The following MAL variants were observed in gnomAD, a reference collection of about 807,000 sequenced individuals.
MAL encodes the protein mal, T cell differentiation protein (MAL blood group).
A neutral mutation model predicts 16.7 loss-of-function variants in MAL; 5 were observed. That is an observed-to-expected ratio of 0.30 (90% CI 0.16 to 0.63). MAL has a LOEUF of 0.63. MAL is among the 30% of genes least tolerant of loss of function. The pLI, the probability that MAL is intolerant of heterozygous loss-of-function variation, is 0.82. For missense variants in MAL, 202 were observed against 195.8 expected, an observed-to-expected ratio of 1.03 and a Z score of -0.19; for synonymous variants, 96 against 85.5, an observed-to-expected ratio of 1.12 and a Z score of -0.67.
At chr2:95,047,742 A>G (rs930902962) in intron 1 of MAL, among the ~76,000 whole-genome samples, 3 of 152,190 alleles carry the variant, frequency 2.0e-5, no homozygotes, top group African/African-American at 7.2e-5. Flanking sequence ...TAAAAAGTTA[A>G]TCAGGGCAAG....
intron 1 of MAL, among the ~76,000 whole-genome samples, chr2:95,035,404 A>G (rs1048407669): frequency 1.4e-4 from 21 of 152,176 alleles, no homozygotes; most frequent in African/African-American, 4.8e-4. Context: ...TTTTCCATTC[A>G]AATGAAGACA....
chr2:95,034,760 G>A (rs992483074), intron 1 of MAL, among the ~76,000 whole-genome samples: 1 of 152,190 alleles, frequency 6.6e-6, no homozygotes, highest in Non-Finnish European at 1.5e-5. Flanking sequence ...TCTGTGGTCA[G>A]GTTGGGGGCA....
At chr2:95,045,990 A>G (rs1476380155) in intron 1 of MAL, among the ~76,000 whole-genome samples, 1 of 152,198 alleles carries the variant, frequency 6.6e-6, no homozygotes, top group African/African-American at 2.4e-5. Flanking sequence ...GCAACCTAAG[A>G]TCCATCAGCA....
At chr2:95,039,828 G>C (rs1350629975) in intron 1 of MAL, among the ~76,000 whole-genome samples, 1 of 152,110 alleles carries the variant, frequency 6.6e-6, no homozygotes, top group African/African-American at 2.4e-5. Context: ...CAGGAGGTAG[G>C]TAGGGCTAAC....
intron 2 of MAL, among the ~76,000 whole-genome samples, 190 bp downstream of exon 2, chr2:95,048,316 C>T (rs1254190829): frequency 3.9e-5 from 6 of 152,266 alleles, no homozygotes; most frequent in South Asian, 2.1e-4. Context: ...GAGGCAAGGT[C>T]GCCGCTGCCA....
At chr2:95,036,204 G>A (rs1329549459) in intron 1 of MAL, among the ~76,000 whole-genome samples, 1 of 152,168 alleles carries the variant, frequency 6.6e-6, no homozygotes, top group African/African-American at 2.4e-5. Flanking sequence ...CGCTCCCAGG[G>A]TTCTCTTTGG....
intron 1 of MAL, among the ~76,000 whole-genome samples, chr2:95,046,756 T>C (rs1476274344): frequency 1.3e-5 from 2 of 151,846 alleles, no homozygotes; most frequent in Non-Finnish European, 2.9e-5. Flanking sequence ...ACTCCAAATC[T>C]GATCATCAGA....
chr2:95,037,205 G>C (rs1024997121), intron 1 of MAL, among the ~76,000 whole-genome samples: 9 of 151,242 alleles, frequency 6.0e-5, no homozygotes, highest in African/African-American at 1.7e-4. Flanking sequence ...GAGTAGGTGA[G>C]TGACTGAGTG....
intron 1 of MAL, among the ~76,000 whole-genome samples, chr2:95,042,184 G>T (rs780380146): frequency 1.3e-5 from 2 of 152,214 alleles, no homozygotes; most frequent in Non-Finnish European, 1.5e-5. Context: ...GCACTGAGAG[G>T]CTGGGCAGGA....
chr2:95,038,764 G>C (rs937474103), intron 1 of MAL, among the ~76,000 whole-genome samples: 1 of 151,552 alleles, frequency 6.6e-6, no homozygotes, highest in African/African-American at 2.4e-5. Context: ...GACTGAGTGA[G>C]TGACTGAGTG....
In MAL at chr2:95,025,739, CGCGGAGTCTGA is replaced by C. The variant is rs1176783940; in HGVS notation, c.-49_-39del. ...CTCCGCGGAGCCAGCGAGAGGTCTG[CGCGGAGTCTGA>C]GCGGCGCTCGTCCCGTCCCAAGGCC... On this transcript the variant is annotated 5_prime_UTR_variant, in exon 1 of 4. Transcript: ENST00000309988. The surrounding 1 kb of genome is among the most constrained non-coding windows in gnomAD (Gnocchi z 5.6). The C allele has an allele frequency of 1.8e-4, 228 of 1,289,860 alleles. 2 individuals carry two copies. The South Asian group carries it at 3.0e-3, about 17-fold the overall frequency. 79.9% of individuals were successfully genotyped at this position (1,289,860 alleles called of 1,614,324 possible). A position where few individuals can be genotyped will look rare whatever the true frequency, so the allele number is the denominator to read the frequency against.
intron 3 of MAL, 171 bp from the exon 4 acceptor site, chr2:95,053,210 G>A (rs868185817): frequency 9.3e-6 from 6 of 646,522 alleles, no homozygotes; most frequent in South Asian, 1.8e-5. Flanking sequence ...AGAGGATTTG[G>A]TGCACACCTG....
chr2:95,036,953 C>G (rs1219718926), intron 1 of MAL, among the ~76,000 whole-genome samples: 36 of 93,470 alleles, frequency 3.9e-4, no homozygotes, highest in East Asian at 1.6e-3. Flanking sequence ...GAGTGAGTGA[C>G]TGAGTGACTG....
At chr2:95,049,397 C>T (rs1318329222) in intron 2 of MAL, among the ~76,000 whole-genome samples, 184 bp from the exon 3 acceptor site, 1 of 151,902 alleles carries the variant, frequency 6.6e-6, no homozygotes, top group African/African-American at 2.4e-5. Context: ...ACTCTGGCCC[C>T]ACAGCAGTGA....
At position 95,032,474 on chromosome 2, in the gene MAL, G is replaced by A. The variant is rs750402129; in HGVS notation, c.93+6589G>A. On this transcript the variant is annotated intron_variant, in intron 1 of 3. Transcript: ENST00000309988. The stretch of plus-strand genomic sequence containing the variant: ...TCCTGGCCCCTCCAGTGTCAGTGCC[G>A]GACATGGTGCTTTGGACCAGCAGGC... 3.3e-5 allele frequency among the ~76,000 whole-genome samples: 5 copies of A among 152,312 alleles called. No homozygotes were observed. The East Asian group carries it at 7.7e-4, about 24-fold the overall frequency.
intron 1 of MAL, among the ~76,000 whole-genome samples, chr2:95,028,152 C>CAAAAAAAAAAAAAA (rs898443996): frequency 2.5e-5 from 1 of 39,688 alleles, no homozygotes; most frequent in African/African-American, 1.0e-4. Context: ...ACTAAAAATA[C>CAAAAAAAAAAAAAA]AAAAAAAAAA....
chr2:95,047,664 T>C (rs1674620926), intron 1 of MAL, among the ~76,000 whole-genome samples: 1 of 152,148 alleles, frequency 6.6e-6, no homozygotes, highest in Non-Finnish European at 1.5e-5. Flanking sequence ...GAGGTTGCAG[T>C]GAGCCACACG....
At chr2:95,037,621 T>A (rs1362398619) in intron 1 of MAL, among the ~76,000 whole-genome samples, 1 of 150,620 alleles carries the variant, frequency 6.6e-6, no homozygotes, top group Admixed American at 6.6e-5. Context: ...AGTGAGTGAG[T>A]GACTAAGTAA....
At chr2:95,047,528 C>T (rs1285606881) in intron 1 of MAL, among the ~76,000 whole-genome samples, 1 of 152,198 alleles carries the variant, frequency 6.6e-6, no homozygotes, top group Non-Finnish European at 1.5e-5. Context: ...CAAGACCAGC[C>T]TGGCCAACAT....
Sources: gnomAD v4.1 joint callset for allele counts (sites outside exome capture counted in the v4.1 genomes callset) on GRCh38, gnomAD v4.1.1 for gene constraint, Gnocchi (gnomAD v3.1) non-coding constraint, MANE v1.5 for transcripts, NCBI Gene and HGNC (gene_info 2026-07-23, HGNC 2026-07-21) for gene names.